Variants in APAF1 observed in about 807,000 individuals in gnomAD.
APAF1 encodes apoptotic protease-activating factor 1.
In APAF1, 91 loss-of-function variants were observed where a neutral mutation model predicts 152.4. The ratio of observed to expected loss-of-function variants is 0.60; its 90% CI spans 0.50 to 0.71. The LOEUF (loss-of-function observed/expected upper bound fraction) is 0.71. Ranked by LOEUF, APAF1 falls within the 30% of genes least tolerant of loss-of-function variation. APAF1 has a pLI of 0.00. For missense variants in APAF1, 1,283 were observed against 1,472.0 expected (o/e 0.87, Z 2.10); for synonymous variants, 484 against 494.1 (o/e 0.98, Z 0.27).
In APAF1 at chr12:98,732,669, T is replaced by C. The variant is rs1445703144; in HGVS notation, c.*103T>C. On this transcript the variant is annotated 3_prime_UTR_variant, in exon 27 of 27. Coordinates refer to ENST00000551964, the MANE Select transcript of APAF1 (RefSeq NM_181861.2). Reference sequence around the variant, plus strand: ...CTTTTTATAAAGCTCTTAATTGTTGTGCAGTATTGCATTCATTACAAAAGT... The same window carrying C: ...CTTTTTATAAAGCTCTTAATTGTTGCGCAGTATTGCATTCATTACAAAAGT... 3.9e-6 allele frequency: 3 copies of C among 768,298 alleles called. No homozygotes were observed. In the East Asian group the frequency reaches 8.0e-5, roughly 21 times the overall value. The allele number at this position is 768,298 out of a possible 1,614,324, so 47.6% of individuals were successfully genotyped here.
chr12:98,695,435 G>C (rs1161300092), intron 16 of APAF1, among the ~76,000 whole-genome samples: 2 of 150,910 alleles, frequency 1.3e-5, no homozygotes, highest in Admixed American at 6.6e-5. Flanking sequence ...TGTGATTGCA[G>C]CTCACTGCAG....
chr12:98,696,703 C>G (rs1479656168), intron 16 of APAF1, among the ~76,000 whole-genome samples: 1 of 151,990 alleles, frequency 6.6e-6, no homozygotes, highest in Non-Finnish European at 1.5e-5. Flanking sequence ...ACCATGTTGC[C>G]CAGGCTGGTC....
chr12:98,683,720 T>C (rs1187235178), intron 15 of APAF1, among the ~76,000 whole-genome samples: 1 of 152,212 alleles, frequency 6.6e-6, no homozygotes, highest in Admixed American at 6.5e-5. Flanking sequence ...ATAGCTAGGG[T>C]AACCCCAGTG....
chr12:98,715,564 G>A lies in APAF1; in HGVS notation c.3084+12G>A, dbSNP rs1395536773. 6.2e-7 allele frequency: 1 copy of A among 1,612,976 alleles called. No homozygotes were observed. The highest frequency in any genetic ancestry group is 2.2e-5 in the East Asian group (1 of 44,786). ...ATGCTGAAATTCAGGTGAGAGGGAG[G>A]ATGAACTCTTAACATATTTAATGCT... is the stretch of plus-strand genomic sequence containing the variant. On this transcript the variant is annotated intron_variant, in intron 22 of 26. Coordinates refer to ENST00000551964, the MANE Select transcript of APAF1 (RefSeq NM_181861.2).
At chr12:98,702,007 G>C (rs939412206) in intron 17 of APAF1, among the ~76,000 whole-genome samples, 72 of 152,230 alleles carry the variant, frequency 4.7e-4, no homozygotes, top group African/African-American at 1.7e-3. Flanking sequence ...CTGTGTTTTT[G>C]GCCTCCGGCG....
chr12:98,726,486 A>G, intron 25 of APAF1: 1 of 153,270 alleles, frequency 6.5e-6, no homozygotes, highest in Non-Finnish European at 1.5e-5. Flanking sequence ...CTAGGAGAGT[A>G]TACAGTTTGC....
intron 21 of APAF1, among the ~76,000 whole-genome samples, chr12:98,714,070 C>A (rs1480012421): frequency 6.6e-6 from 1 of 152,114 alleles, no homozygotes; most frequent in African/African-American, 2.4e-5. Flanking sequence ...TACAGGTGAA[C>A]CTTAGGCTTC....
chr12:98,702,293 C>T (rs1170988931), intron 17 of APAF1, among the ~76,000 whole-genome samples: 1 of 152,020 alleles, frequency 6.6e-6, no homozygotes, highest in African/African-American at 2.4e-5. Flanking sequence ...TCTCGATCTC[C>T]TGACCTCGTG....
chr12:98,723,836 G>A, intron 24 of APAF1, 72 bp downstream of exon 24: 1 of 1,484,930 alleles, frequency 6.7e-7, no homozygotes, highest in Non-Finnish European at 9.4e-7. Context: ...AATAATATAT[G>A]CAAAAGGACA....
intron 10 of APAF1, 67 bp downstream of exon 10, chr12:98,667,711 G>GCTT: frequency 6.9e-7 from 1 of 1,449,876 alleles, no homozygotes. Context: ...ACAAATAAGT[G>GCTT]CTTTTTTTCT....
chr12:98,729,326 G>T (rs1472555383), intron 26 of APAF1, among the ~76,000 whole-genome samples: 1 of 152,198 alleles, frequency 6.6e-6, no homozygotes, highest in Non-Finnish European at 1.5e-5. Flanking sequence ...GTGGGGAGCG[G>T]GGAATGGTTT....
chr12:98,648,758 A>G lies in APAF1; in HGVS notation c.271A>G (p.Ile91Val), dbSNP rs139951279. Residue 91 changes from isoleucine (I) to valine (V), a missense_variant, in exon 3 of 27, where the codon ATT becomes GTT. Transcript: ENST00000551964. ...TCTTGCTGCCCTTCTCCATGATGGC[A>G]TTCCTGTTGTCTCTTCTTCCAGTGG... ...KDLAALLHDG[I>V]PVVSSSSGKD... 1.2e-6 allele frequency: 2 copies of G among 1,614,056 alleles called. No individual in the cohort carries two copies. Among genetic ancestry groups the G allele is most frequent in the Admixed American group, 1.7e-5 (1 of 60,028 alleles).
At chr12:98,678,249 A>G (rs2097688580) in intron 13 of APAF1, among the ~76,000 whole-genome samples, 1 of 152,256 alleles carries the variant, frequency 6.6e-6, no homozygotes, top group African/African-American at 2.4e-5. Flanking sequence ...AATTTGCCAA[A>G]ATAGTCTCAA....
chr12:98,659,197 G>C lies in APAF1; in HGVS notation c.564G>C (p.Gly188=). ...GGGGAGTGCATTGGGTTTCAGTTGGGAAACAAGACAAATCTGGGCTTCTGA... is the reference window on the plus strand; with the variant it reads ...GGGGAGTGCATTGGGTTTCAGTTGGCAAACAAGACAAATCTGGGCTTCTGA... ...FPGGVHWVSV[G]KQDKSGLLMK... Residue 188 remains glycine (G), a synonymous_variant, in exon 5 of 27, where the codon GGG becomes GGC. Coordinates refer to ENST00000551964, the MANE Select transcript of APAF1 (RefSeq NM_181861.2). The C allele has an allele frequency of 6.2e-7, 1 of 1,614,186 alleles. No homozygotes were observed. The highest frequency in any genetic ancestry group is 8.5e-7 in the Non-Finnish European group (1 of 1,180,038).
chr12:98,677,331 C>T, intron 12 of APAF1, 94 bp from the exon 13 acceptor site: 1 of 1,306,018 alleles, frequency 7.7e-7, no homozygotes, highest in South Asian at 1.2e-5. Flanking sequence ...GGGAACATAA[C>T]CATGTTAAAA....
rs184729110 is a variant in APAF1 at position 98,678,531 on chromosome 12, A to T, written c.1920+980A>T. 1.9e-3 allele frequency among the ~76,000 whole-genome samples: 297 copies of T among 152,318 alleles called. 2 individuals are homozygous for T. The highest frequency in any genetic ancestry group is 6.8e-3 in the African/African-American group (283 of 41,576). On this transcript the variant is annotated intron_variant, in intron 13 of 26. Transcript: ENST00000551964. The stretch of plus-strand genomic sequence containing the variant: ...GCCCTGCCCTCCTGGGTGTAGCTGT[A>T]GCCGCCCAAACCACAGCTGCAGGCT...
At chr12:98,660,349 TA>T (rs1014145850) in intron 5 of APAF1, among the ~76,000 whole-genome samples, 91 of 145,578 alleles carry the variant, frequency 6.3e-4, no homozygotes, top group Middle Eastern at 3.5e-3. Flanking sequence ...CTGTTTCAAT[TA>T]AAAAAAAAAA....
intron 18 of APAF1, among the ~76,000 whole-genome samples, chr12:98,703,966 TC>T (rs1293163645): frequency 6.6e-6 from 1 of 152,224 alleles, no homozygotes; most frequent in African/African-American, 2.4e-5. Context: ...ATAAAATAAC[TC>T]ATATAAATTA....
intron 4 of APAF1, among the ~76,000 whole-genome samples, chr12:98,654,816 C>CTTTTTTTTTTTTTTTTTTTTT (rs758991431): frequency 8.6e-5 from 10 of 116,774 alleles, no homozygotes; most frequent in African/African-American, 1.0e-4. Flanking sequence ...GTAGTATTTT[C>CTTTTTTTTTTTTTTTTTTTTT]TTTTTTTTTT....
Sources: allele counts gnomAD v4.1 joint callset (sites outside exome capture counted in the v4.1 genomes callset), GRCh38; gene constraint gnomAD v4.1.1; transcripts MANE v1.5; gene names NCBI Gene and HGNC (gene_info 2026-07-23, HGNC 2026-07-21).